Variants in ANKRD44 observed in about 807,000 individuals in gnomAD.
The protein encoded by ANKRD44 is ankyrin repeat domain 44.
Under a neutral mutation model 116.0 loss-of-function variants are expected in ANKRD44, and 35 were observed. That is an observed-to-expected ratio of 0.30 (90% CI 0.23 to 0.40). ANKRD44 has a LOEUF of 0.40. ANKRD44 is among the 10% of genes least tolerant of loss of function. ANKRD44 has a pLI of 1.00. For synonymous variants in ANKRD44, 435 were observed against 461.8 expected (o/e 0.94, Z 0.74); for missense variants, 1,014 against 1,242.6 (o/e 0.82, Z 2.77).
At chr2:197,115,300 A>G (rs1327361097) in intron 8 of ANKRD44, among the ~76,000 whole-genome samples, 1 of 152,258 alleles carries the variant, frequency 6.6e-6, no homozygotes, top group Admixed American at 6.5e-5. Flanking sequence ...TTGCTAAAAG[A>G]GCCTTGAGAT....
chr2:196,986,749 G>T lies in ANKRD44; in HGVS notation c.*2842C>A, dbSNP rs920032923. ...ATATTACAGTTAAGTACTTCATTAC[G>T]TTATTAGAGCATTCAGTAGTTGCAA... is the stretch of plus-strand genomic sequence containing the variant. On this transcript the variant is annotated 3_prime_UTR_variant, in exon 28 of 28. Coordinates refer to ENST00000282272, the MANE Select transcript of ANKRD44 (RefSeq NM_001195144.2). 2 of 982,336 alleles carry T rather than the reference G, an allele frequency of 2.0e-6. No individual in the cohort carries two copies. Among genetic ancestry groups the T allele is most frequent in the Non-Finnish European group, 2.4e-6 (2 of 827,304 alleles). The allele number at this position is 982,336 out of a possible 1,614,324, so 60.9% of individuals were successfully genotyped here. A position where few individuals can be genotyped will look rare whatever the true frequency, so the allele number is the denominator to read the frequency against.
At chr2:197,202,425 G>A (rs964314097) in intron 1 of ANKRD44, among the ~76,000 whole-genome samples, 1 of 151,436 alleles carries the variant, frequency 6.6e-6, no homozygotes, top group Non-Finnish European at 1.5e-5. Context: ...AACCCAATAA[G>A]GGGTGGTCTA....
rs2077816399 is a variant in ANKRD44 at position 197,082,332 on chromosome 2, ATAT to A, written c.1458-610_1458-608del. Reference sequence around the variant, plus strand: ...CTAAGGGATCAGAATGCTACATCTGATATTATTATTTTGATTTATTATATAACT... The same window carrying A: ...CTAAGGGATCAGAATGCTACATCTGATATTATTTTGATTTATTATATAACT... On this transcript the variant is annotated intron_variant, in intron 14 of 27. Coordinates refer to ENST00000282272, the MANE Select transcript of ANKRD44 (RefSeq NM_001195144.2). Among the ~76,000 whole-genome samples, 2 of 152,128 alleles carry A rather than the reference ATAT, an allele frequency of 1.3e-5. 1 individual carries two copies. The highest frequency in any genetic ancestry group is 4.1e-4 in the South Asian group (2 of 4,828).
chr2:197,118,637 G>GAGAGAGAGAGAGAGAGAA (rs773839262), intron 8 of ANKRD44, among the ~76,000 whole-genome samples: 2 of 112,442 alleles, frequency 1.8e-5, no homozygotes, highest in East Asian at 4.8e-4. Flanking sequence ...GAGAGAGAGA[G>GAGAGAGAGAGAGAGAGAA]AGAAAGAAAG....
chr2:197,182,662 A>G (rs1333010414), intron 2 of ANKRD44, among the ~76,000 whole-genome samples: 2 of 135,360 alleles, frequency 1.5e-5, no homozygotes, highest in Non-Finnish European at 1.7e-5. Flanking sequence ...CACATACACT[A>G]CAATCTGCAC....
intron 10 of ANKRD44, among the ~76,000 whole-genome samples, chr2:197,095,512 T>C (rs768405442): frequency 6.6e-6 from 1 of 152,222 alleles, no homozygotes; most frequent in Non-Finnish European, 1.5e-5. Context: ...TATTGAACTC[T>C]AAAGAGCCTG....
intron 18 of ANKRD44, among the ~76,000 whole-genome samples, chr2:197,012,023 G>A (rs927894818): frequency 2.0e-5 from 3 of 152,076 alleles, no homozygotes; most frequent in African/African-American, 7.2e-5. Flanking sequence ...TCTCATACTC[G>A]TCCTGGCTCT....
intron 2 of ANKRD44, among the ~76,000 whole-genome samples, chr2:197,153,745 T>A (rs2079725349): frequency 6.6e-6 from 1 of 152,152 alleles, no homozygotes; most frequent in Admixed American, 6.5e-5. Flanking sequence ...AACTCTAGTT[T>A]AAAAAAATAC....
chr2:197,088,884 C>G, intron 11 of ANKRD44, 110 bp from the exon 12 acceptor site: 1 of 1,219,902 alleles, frequency 8.2e-7, no homozygotes, highest in South Asian at 1.6e-5. Flanking sequence ...GTAGAAAAAC[C>G]AGAATGCAAG....
chr2:197,162,474 C>T (rs984463013), intron 2 of ANKRD44, among the ~76,000 whole-genome samples: 1 of 152,170 alleles, frequency 6.6e-6, no homozygotes, highest in Non-Finnish European at 1.5e-5. Context: ...GTCCAAAAGG[C>T]GAGTCTCAGA....
chr2:197,093,032 T>C (rs1388431073), intron 10 of ANKRD44, among the ~76,000 whole-genome samples: 1 of 152,072 alleles, frequency 6.6e-6, no homozygotes, highest in East Asian at 1.9e-4. Context: ...TGAAAGAATA[T>C]GCCTGGAATC....
chr2:196,976,400 A>T (rs1177948813), intron 21 of ANKRD44, among the ~76,000 whole-genome samples: 3 of 152,222 alleles, frequency 2.0e-5, no homozygotes, highest in African/African-American at 7.2e-5. Context: ...CAGGGTAAGA[A>T]TGTCACTCAC....
intron 16 of ANKRD44, chr2:197,077,774 A>G (rs1049562000): frequency 1.3e-5 from 2 of 152,200 alleles, no homozygotes; most frequent in South Asian, 4.1e-4. Flanking sequence ...TTCGACTGAC[A>G]GTGTAAATTA....
intron 16 of ANKRD44, among the ~76,000 whole-genome samples, chr2:197,032,670 G>A (rs1319581282): frequency 6.6e-6 from 1 of 152,112 alleles, no homozygotes; most frequent in Admixed American, 6.5e-5. Flanking sequence ...TTACAGGCGT[G>A]AGCCATGGCA....
In ANKRD44 at chr2:196,987,128, A is replaced by G; in HGVS notation, c.*2463T>C. 1 of 983,982 alleles carries G rather than the reference A, an allele frequency of 1.0e-6. No individual in the cohort carries two copies. The allele number at this position is 983,982 out of a possible 1,614,324, so 61.0% of individuals were successfully genotyped here. A position where few individuals can be genotyped will look rare whatever the true frequency, so the allele number is the denominator to read the frequency against. On this transcript the variant is annotated 3_prime_UTR_variant, in exon 28 of 28. Transcript: ENST00000282272. The stretch of plus-strand genomic sequence containing the variant: ...GCATAGAATTACATTTTATACAAAC[A>G]CTCAGATTGTCACTATCTTAAAATG...
intron 17 of ANKRD44, among the ~76,000 whole-genome samples, chr2:197,021,168 G>T (rs1329265547): frequency 1.3e-5 from 2 of 152,182 alleles, no homozygotes; most frequent in Admixed American, 6.5e-5. Context: ...CGGTGTATAT[G>T]TGCCACATTT....
intron 1 of ANKRD44, among the ~76,000 whole-genome samples, chr2:197,253,576 T>G (rs2105678635): frequency 6.6e-6 from 1 of 152,322 alleles, no homozygotes; most frequent in African/African-American, 2.4e-5. Flanking sequence ...ATATGTAGAA[T>G]ATACATATAA....
rs565147892 is a variant in ANKRD44, at chr2:197,058,010, A to G, written c.1650+20693T>C. 9.2e-5 allele frequency among the ~76,000 whole-genome samples: 14 copies of G among 152,300 alleles called. No homozygotes were observed. In the East Asian group the frequency reaches 2.7e-3, roughly 29 times the overall value. On this transcript the variant is annotated intron_variant, in intron 16 of 27. Transcript: ENST00000282272. ...TAATCCATTTTCATTTATTTCCTGC[A>G]TTTCTGCCAGCTCACAGTATATGCT...
chr2:196,972,060 G>C (rs1013384269), intron 21 of ANKRD44, among the ~76,000 whole-genome samples: 2 of 152,100 alleles, frequency 1.3e-5, no homozygotes, highest in Admixed American at 1.3e-4. Context: ...GCAGGCTGGG[G>C]GTTTGTATGA....
Sources: allele counts gnomAD v4.1 joint callset (sites outside exome capture counted in the v4.1 genomes callset), GRCh38; gene constraint gnomAD v4.1.1; transcripts MANE v1.5; gene names NCBI Gene and HGNC (gene_info 2026-07-23, HGNC 2026-07-21).